OGDH: variants seen among roughly 807,000 people sequenced by gnomAD.
OGDH encodes the protein oxoglutarate dehydrogenase.
In OGDH, 38 loss-of-function variants were observed where a neutral mutation model predicts 116.6. That is an observed-to-expected ratio of 0.33 (90% confidence interval 0.25 to 0.43). OGDH has a LOEUF of 0.43. Ranked by LOEUF, OGDH falls within the 20% of genes least tolerant of loss-of-function variation. OGDH has a pLI of 1.00. For synonymous variants in OGDH, 488 were observed against 533.3 expected (o/e 0.92, Z 1.17); for missense variants, 825 against 1,357.2 (o/e 0.61, Z 6.16).
In OGDH at chr7:44,698,062, A is replaced by T. The variant is rs547704775; in HGVS notation, c.2359-130A>T. 409 of 1,054,454 alleles carry T rather than the reference A, an allele frequency of 3.9e-4. 3 individuals are homozygous for T. In the South Asian group the frequency reaches 5.7e-3, roughly 15 times the overall value. The allele number at this position is 1,054,454 out of a possible 1,614,324, so 65.3% of individuals were successfully genotyped here. On this transcript the variant is annotated intron_variant, in intron 17 of 22. Coordinates refer to ENST00000222673, the MANE Select transcript of OGDH (RefSeq NM_002541.4). ...CAAGTGCTTTGCTGGTGGGAGGGGGAAGGAACTGAACCCTGCCATCAAGAA... is the reference window on the plus strand; with the variant it reads ...CAAGTGCTTTGCTGGTGGGAGGGGGTAGGAACTGAACCCTGCCATCAAGAA...
rs549666213 is a variant in OGDH at position 44,629,056 on chromosome 7, C to T, written c.222+4491C>T. On this transcript the variant is annotated intron_variant, in intron 2 of 22. Coordinates refer to ENST00000222673, the MANE Select transcript of OGDH (RefSeq NM_002541.4). ...CTGGGCTGTCAGCCTATGAAACCCTCCTCATTAGGGTCTCAGCATATTTGA... is the reference window on the plus strand; with the variant it reads ...CTGGGCTGTCAGCCTATGAAACCCTTCTCATTAGGGTCTCAGCATATTTGA... Among the ~76,000 whole-genome samples, 25 of 152,250 alleles carry T rather than the reference C, an allele frequency of 1.6e-4. No individual in the cohort carries two copies. The South Asian group carries it at 5.2e-3, about 32-fold the overall frequency.
At chr7:44,671,949 G>T (rs1308420404) in intron 5 of OGDH, among the ~76,000 whole-genome samples, 1 of 151,478 alleles carries the variant, frequency 6.6e-6, no homozygotes, top group African/African-American at 2.4e-5. Context: ...GGCGCCTGTA[G>T]TCCCAGCTAC....
rs140163047 is a variant in OGDH at position 44,679,267 on chromosome 7, G to A, written c.1207-2453G>A. ...AAGAAACAACACACTATCGGGATCAGGAAAGCATGAAATGTCAGTGACTCA... is the reference window on the plus strand; with the variant it reads ...AAGAAACAACACACTATCGGGATCAAGAAAGCATGAAATGTCAGTGACTCA... On this transcript the variant is annotated intron_variant, in intron 9 of 22. Transcript: ENST00000222673. Among the ~76,000 whole-genome samples, 167 of 152,296 alleles carry A rather than the reference G, an allele frequency of 1.1e-3. 1 individual carries two copies. Among genetic ancestry groups the A allele is most frequent in the Non-Finnish European group, 1.9e-3 (131 of 68,028 alleles).
At chr7:44,641,225 CTTT>C (rs1175522868) in intron 2 of OGDH, among the ~76,000 whole-genome samples, 1 of 81,660 alleles carries the variant, frequency 1.2e-5, no homozygotes, top group African/African-American at 4.7e-5. Flanking sequence ...TTTTTTTTTT[CTTT>C]TTTTTTTTTT....
At chr7:44,669,145 C>CTTTTTTTTTTTTTTTTTTTTTTTTTTTT (rs869250474) in intron 5 of OGDH, among the ~76,000 whole-genome samples, 1 of 77,814 alleles carries the variant, frequency 1.3e-5, no homozygotes, top group African/African-American at 7.3e-5. Context: ...AGCCCGGCAG[C>CTTTTTTTTTTTTTTTTTTTTTTTTTTTT]TTTTTTTTTT....
intron 2 of OGDH, among the ~76,000 whole-genome samples, chr7:44,640,890 TG>T (rs1785900677): frequency 6.6e-6 from 1 of 150,968 alleles, no homozygotes; most frequent in African/African-American, 2.4e-5. Flanking sequence ...TTAGGTTTTT[TG>T]TGGGTTTTTT....
chr7:44,669,363 G>A (rs561276114), intron 5 of OGDH, among the ~76,000 whole-genome samples: 1 of 151,956 alleles, frequency 6.6e-6, no homozygotes, highest in East Asian at 1.9e-4. Context: ...CGTTGCCCAG[G>A]CTGATCTTGA....
chr7:44,686,681 CT>C (rs1481690761), intron 10 of OGDH, among the ~76,000 whole-genome samples: 1 of 143,372 alleles, frequency 7.0e-6, no homozygotes, highest in Non-Finnish European at 1.5e-5. Flanking sequence ...TTTTTATTTT[CT>C]TTTTTTCTTT....
intron 10 of OGDH, among the ~76,000 whole-genome samples, chr7:44,692,561 C>T (rs534576845): frequency 6.6e-6 from 1 of 152,226 alleles, no homozygotes; most frequent in East Asian, 1.9e-4. Context: ...ACAAATATGG[C>T]GAAACCGTTG....
Position 44,672,637 on chromosome 7 carries a change from G to GTTT in OGDH, c.634-1146_634-1144dup, listed in dbSNP as rs1175741464. 2.7e-4 allele frequency among the ~76,000 whole-genome samples: 36 copies of GTTT among 135,830 alleles called. 3 individuals carry two copies. Among genetic ancestry groups the GTTT allele is most frequent in the African/African-American group, 8.4e-4 (28 of 33,160 alleles). 89.1% of individuals were successfully genotyped at this position (135,830 alleles called of 152,430 possible). A position where few individuals can be genotyped will look rare whatever the true frequency, so the allele number is the denominator to read the frequency against. On this transcript the variant is annotated intron_variant, in intron 5 of 22. Coordinates refer to ENST00000222673, the MANE Select transcript of OGDH (RefSeq NM_002541.4). Reference sequence around the variant, plus strand: ...GGCAGCCCGAGAGGGATTTCTTTTTGTTTTTTGTTTTTTTTTTTTTTTTGA... The same window carrying GTTT: ...GGCAGCCCGAGAGGGATTTCTTTTTGTTTTTTTTTGTTTTTTTTTTTTTTTTGA...
Position 44,697,546 on chromosome 7 carries a change from G to C in OGDH, c.2179+49G>C. 1 of 1,613,508 alleles carries C rather than the reference G, an allele frequency of 6.2e-7. No homozygotes were observed. Reference sequence around the variant, plus strand: ...CAGGGCCTGTCACCCACCCACCCCCGCTGGGCCTACTGGCTGGTGTCCTGG... The same window carrying C: ...CAGGGCCTGTCACCCACCCACCCCCCCTGGGCCTACTGGCTGGTGTCCTGG... On this transcript the variant is annotated intron_variant, in intron 16 of 22. Coordinates refer to ENST00000222673, the MANE Select transcript of OGDH (RefSeq NM_002541.4). The surrounding 1 kb of genome is among the most constrained non-coding windows in gnomAD (Gnocchi z 6.0).
intron 2 of OGDH, among the ~76,000 whole-genome samples, chr7:44,632,835 G>A (rs1785500912): frequency 6.6e-6 from 1 of 151,750 alleles, no homozygotes; most frequent in Admixed American, 6.6e-5. Flanking sequence ...AGCCAGGATG[G>A]TCTCAATCTC....
chr7:44,699,425 CAAAAAAAAAAAAAA>C (rs59695480), intron 18 of OGDH, among the ~76,000 whole-genome samples: 2 of 67,720 alleles, frequency 3.0e-5, no homozygotes, highest in Admixed American at 3.5e-4. Context: ...ACTCCTGTCT[CAAAAAAAAAAAAAA>C]AAAAAAAAAA....
chr7:44,692,844 G>A (rs1481135178), intron 10 of OGDH, among the ~76,000 whole-genome samples: 1 of 151,220 alleles, frequency 6.6e-6, no homozygotes, highest in Non-Finnish European at 1.5e-5. Flanking sequence ...AGACCAGCCC[G>A]GGCAACATGG....
chr7:44,700,375 C>A, intron 19 of OGDH, 106 bp downstream of exon 19: 2 of 1,417,738 alleles, frequency 1.4e-6, no homozygotes, highest in Non-Finnish European at 1.9e-6. Context: ...TAGGTGGGCA[C>A]CTGCAGGGGT....
At position 44,689,106 on chromosome 7, in the gene OGDH, A is replaced by G. The variant is rs567154913; in HGVS notation, c.1336-4719A>G. Among the ~76,000 whole-genome samples the G allele has an allele frequency of 4.0e-5, 6 of 151,616 alleles. No homozygotes were observed. The East Asian group carries it at 1.2e-3, about 29-fold the overall frequency. On this transcript the variant is annotated intron_variant, in intron 10 of 22. Transcript: ENST00000222673. ...GTATATACGTAGGAGTAGAATTGCTAGATCATGTGGTATCTCTGTGTTCAA... is the reference window on the plus strand; with the variant it reads ...GTATATACGTAGGAGTAGAATTGCTGGATCATGTGGTATCTCTGTGTTCAA...
chr7:44,618,822 A>G (rs769994815), intron 1 of OGDH, among the ~76,000 whole-genome samples: 13 of 152,214 alleles, frequency 8.5e-5, no homozygotes, highest in Non-Finnish European at 1.6e-4. Flanking sequence ...GTCTGATTGT[A>G]GGTCACAAGA....
intron 4 of OGDH, among the ~76,000 whole-genome samples, chr7:44,659,098 A>G (rs1362805146): frequency 6.6e-6 from 1 of 152,102 alleles, no homozygotes; most frequent in Non-Finnish European, 1.5e-5. Flanking sequence ...TCACCCTCCC[A>G]AAGTTCTGGG....
intron 18 of OGDH, among the ~76,000 whole-genome samples, chr7:44,699,142 G>T (rs1387040526): frequency 2.0e-5 from 3 of 148,500 alleles, no homozygotes; most frequent in Admixed American, 6.7e-5. Context: ...CACAAAAAAA[G>T]AACTGGCCAG....
Sources: allele counts gnomAD v4.1 joint callset (sites outside exome capture counted in the v4.1 genomes callset), GRCh38; gene constraint gnomAD v4.1.1; non-coding constraint Gnocchi (gnomAD v3.1); transcripts MANE v1.5; gene names NCBI Gene and HGNC (gene_info 2026-07-23, HGNC 2026-07-21).